Variants in CACNA1A observed in about 807,000 individuals in gnomAD.
CACNA1A encodes calcium voltage-gated channel subunit alpha1 A.
In CACNA1A, 57 loss-of-function variants were observed where a neutral mutation model predicts 262.4. That is an observed-to-expected ratio of 0.22 (90% CI 0.18 to 0.27). The LOEUF (loss-of-function observed/expected upper bound fraction) is 0.27, where lower values mean the gene tolerates loss of function less well. Among genes scored for constraint, CACNA1A ranks in the 10% least tolerant of loss-of-function variants. CACNA1A has a pLI of 1.00. For missense variants in CACNA1A, 2,526 were observed against 3,562.8 expected (o/e 0.71, Z 7.41); for synonymous variants, 1,431 against 1,419.3 (o/e 1.01, Z -0.18).
intron 6 of CACNA1A, among the ~76,000 whole-genome samples, chr19:13,346,872 G>A (rs2058797829): frequency 6.7e-6 from 1 of 148,648 alleles, no homozygotes; most frequent in Non-Finnish European, 1.5e-5. Context: ...TAGAGACGGG[G>A]TTTCACCATG....
In CACNA1A at chr19:13,207,481, C is replaced by T. The variant is rs1172585143; in HGVS notation, c.7353G>A (p.Ser2451=). Residue 2451 remains serine, a synonymous_variant, in exon 47 of 47, where the codon TCG becomes TCA. Transcript: ENST00000360228. This position sits in a 1 kb window ranked among gnomAD's most constrained non-coding sequence, Gnocchi z 5.7. ...GGCCCGAGGCCCGGGGAGTCCTGGG[C>T]GAGCGCCCGGTGGCGCCCGAGGACG... ...RHASSGATGR[S]PRTPRASGPA... 10 of 1,441,548 alleles carry T rather than the reference C, an allele frequency of 6.9e-6. No homozygotes were observed. Among genetic ancestry groups the T allele is most frequent in the South Asian group, 1.3e-5 (1 of 74,396 alleles). 89.3% of individuals were successfully genotyped at this position (1,441,548 alleles called of 1,614,324 possible). A position where few individuals can be genotyped will look rare whatever the true frequency, so the allele number is the denominator to read the frequency against.
chr19:13,371,794 C>T lies in CACNA1A; in HGVS notation c.540-15G>A. ...TCGCCAAGATGCTGAAAGAAAGAAG[C>T]CAGAATGGAGAACAGAGGGTGGGTT... On this transcript the variant is annotated splice_polypyrimidine_tract_variant and intron_variant, in intron 3 of 46. Coordinates refer to ENST00000360228, the MANE Select transcript of CACNA1A (RefSeq NM_001127222.2). 6.4e-7 allele frequency: 1 copy of T among 1,551,262 alleles called. No individual in the cohort carries two copies. Among genetic ancestry groups the T allele is most frequent in the Non-Finnish European group, 8.7e-7 (1 of 1,143,716 alleles).
intron 19 of CACNA1A, among the ~76,000 whole-genome samples, chr19:13,287,535 CT>C (rs1418541034): frequency 2.6e-5 from 4 of 151,858 alleles, no homozygotes; most frequent in African/African-American, 9.7e-5. Context: ...TTCTTTCTTT[CT>C]TTTTTCTTGC....
At chr19:13,390,716 T>A (rs1314645838) in intron 3 of CACNA1A, among the ~76,000 whole-genome samples, 2 of 152,122 alleles carry the variant, frequency 1.3e-5, no homozygotes, top group East Asian at 1.9e-4. Context: ...TCTAAATGAT[T>A]TATAAATATT....
intron 1 of CACNA1A, among the ~76,000 whole-genome samples, chr19:13,493,402 T>C (rs1478390146): frequency 6.6e-6 from 1 of 152,238 alleles, no homozygotes; most frequent in Non-Finnish European, 1.5e-5. Flanking sequence ...CCCTGGTTTC[T>C]ACCAGCCAGA....
chr19:13,298,953 C>A lies in CACNA1A; in HGVS notation c.2680G>T (p.Glu894Ter). ...TCCGACTCGCGGCCGTAGGGTCCCT[C>A]CCGGCTCAGCTCGGCCTCCTGGCTT... is the stretch of plus-strand genomic sequence containing the variant. ...AGSQEAELSREGPYGRESDHH... is the reference protein window; with the variant it reads ...AGSQEAELSR The change falls in exon 19 of 47, where the codon GAG (glutamate) becomes TAG (stop). Residue 894 changes from glutamate to a stop codon, truncating the protein, a stop_gained. Coordinates refer to ENST00000360228, the MANE Select transcript of CACNA1A (RefSeq NM_001127222.2). LOFTEE classifies it high-confidence loss of function. The A allele has an allele frequency of 6.3e-7, 1 of 1,590,020 alleles. No homozygotes were observed. Among genetic ancestry groups the A allele is most frequent in the East Asian group, 2.3e-5 (1 of 44,404 alleles).
intron 3 of CACNA1A, among the ~76,000 whole-genome samples, chr19:13,443,969 T>C (rs2060767745): frequency 1.3e-5 from 2 of 152,146 alleles, no homozygotes; most frequent in South Asian, 4.1e-4. Flanking sequence ...TGGCACATAG[T>C]AAGTACTCAA....
intron 31 of CACNA1A, among the ~76,000 whole-genome samples, chr19:13,239,700 G>T (rs1272636070): frequency 6.6e-6 from 1 of 152,156 alleles, no homozygotes; most frequent in Admixed American, 6.5e-5. Context: ...GGTGTGCAAG[G>T]GGCTGAGAAG....
intron 24 of CACNA1A, among the ~76,000 whole-genome samples, chr19:13,265,822 T>C (rs976341967): frequency 2.0e-5 from 3 of 152,000 alleles, no homozygotes; most frequent in Admixed American, 6.6e-5. Context: ...GGCAACAACA[T>C]TGTCTGGTTT....
At chr19:13,431,888 C>T (rs779919270) in intron 3 of CACNA1A, among the ~76,000 whole-genome samples, 3 of 151,690 alleles carry the variant, frequency 2.0e-5, no homozygotes, top group African/African-American at 7.3e-5. Context: ...AGGCAGATCA[C>T]GAGATCAAGA....
In CACNA1A at chr19:13,365,477, G is replaced by A. The variant is rs762951690; in HGVS notation, c.632-8C>T. ...TCAGGACGACTTGTAAACCTGGGGG[G>A]ACACAGAGAGAGGCCCCATAAGCCC... On this transcript the variant is annotated splice_polypyrimidine_tract_variant and splice_region_variant and intron_variant, in intron 4 of 46. Transcript: ENST00000360228. 5.6e-6 allele frequency: 9 copies of A among 1,612,682 alleles called. No individual in the cohort carries two copies. Among genetic ancestry groups the A allele is most frequent in the Non-Finnish European group, 7.6e-6 (9 of 1,179,130 alleles).
intron 30 of CACNA1A, among the ~76,000 whole-genome samples, chr19:13,248,854 AAT>A (rs200679408): frequency 7.0e-4 from 103 of 146,254 alleles, no homozygotes; most frequent in South Asian, 5.1e-3. Flanking sequence ...AAAAAAAAAA[AAT>A]AATAATAAAT....
At chr19:13,321,060 G>T in intron 10 of CACNA1A, among the ~76,000 whole-genome samples, 1 of 139,266 alleles carries the variant, frequency 7.2e-6, no homozygotes, top group Admixed American at 7.5e-5. Context: ...TTGAGATAGA[G>T]TCTCATTCTG....
chr19:13,243,535 G>C (rs2056137493), intron 31 of CACNA1A: 1 of 147,852 alleles, frequency 6.8e-6, no homozygotes, highest in African/African-American at 2.5e-5. Flanking sequence ...ACTTCCCCAG[G>C]CATTGAAGAT....
intron 1 of CACNA1A, among the ~76,000 whole-genome samples, chr19:13,459,606 T>C (rs1187381114): frequency 6.6e-6 from 1 of 152,194 alleles, no homozygotes; most frequent in Non-Finnish European, 1.5e-5. Context: ...CCCTGCAGCC[T>C]GGAAAATAAG....
intron 8 of CACNA1A, among the ~76,000 whole-genome samples, chr19:13,333,294 C>T (rs898787116): frequency 1.3e-5 from 2 of 152,144 alleles, no homozygotes; most frequent in Admixed American, 1.3e-4. Context: ...TAGCTCAGGG[C>T]CTTTGCACTT....
In CACNA1A at chr19:13,464,549, T is replaced by A. The variant is rs919910336; in HGVS notation, c.294-9337A>T. ...ATAGTAAATAACTTTTCCAATTTTTTTTTTTTTTTTTTTTTTAGAGACCGA... is the reference window on the plus strand; with the variant it reads ...ATAGTAAATAACTTTTCCAATTTTTATTTTTTTTTTTTTTTTAGAGACCGA... On this transcript the variant is annotated intron_variant, in intron 1 of 46. Coordinates refer to ENST00000360228, the MANE Select transcript of CACNA1A (RefSeq NM_001127222.2). Among the ~76,000 whole-genome samples, 670 of 129,694 alleles carry A rather than the reference T, an allele frequency of 5.2e-3. 12 individuals are homozygous for A. Among genetic ancestry groups the A allele is most frequent in the African/African-American group, 0.016 (600 of 38,628 alleles). 85.1% of individuals were successfully genotyped at this position (129,694 alleles called of 152,430 possible).
chr19:13,480,954 G>A (rs1979221144), intron 1 of CACNA1A, among the ~76,000 whole-genome samples: 1 of 152,084 alleles, frequency 6.6e-6, no homozygotes, highest in Non-Finnish European at 1.5e-5. Context: ...CATTGAGACC[G>A]TGGACTCCGA....
intron 1 of CACNA1A, among the ~76,000 whole-genome samples, chr19:13,497,520 AAATATATATATATATATATATATATAT>A (rs1981781482): frequency 6.5e-5 from 1 of 15,498 alleles, no homozygotes; most frequent in African/African-American, 2.8e-4. Context: ...AAAAAAAAAA[AAATATATATATATATATATATATATAT>A]ATATATATAT....
Sources: gnomAD v4.1 joint callset for allele counts (sites outside exome capture counted in the v4.1 genomes callset) on GRCh38, gnomAD v4.1.1 for gene constraint, Gnocchi (gnomAD v3.1) non-coding constraint, MANE v1.5 for transcripts, NCBI Gene and HGNC (gene_info 2026-07-23, HGNC 2026-07-21) for gene names.